Variants in PHIP observed in about 807,000 individuals in gnomAD.
The protein encoded by PHIP is PHIP subunit of CUL4-Ring ligase complex, also known as PH-interacting protein.
PHIP carries 54 observed loss-of-function variants against 236.8 expected under a neutral mutation model. The observed-to-expected ratio is 0.23, with a 90% CI of 0.18 to 0.29. The LOEUF is 0.29. Ranked by LOEUF, PHIP falls within the 10% of genes least tolerant of loss-of-function variation. PHIP has a pLI of 1.00. For synonymous variants in PHIP, 756 were observed against 718.9 expected (o/e 1.05, Z -0.83); for missense variants, 1,370 against 2,190.8 (o/e 0.63, Z 7.48).
At chr6:79,040,354 T>C (rs1772145693) in intron 7 of PHIP, among the ~76,000 whole-genome samples, 1 of 152,156 alleles carries the variant, frequency 6.6e-6, no homozygotes, top group South Asian at 2.1e-4. Flanking sequence ...CAGCTGTGCC[T>C]GTTCAGAAAG....
intron 7 of PHIP, among the ~76,000 whole-genome samples, chr6:79,028,034 A>T (rs1472538063): frequency 6.6e-6 from 1 of 152,126 alleles, no homozygotes; most frequent in Non-Finnish European, 1.5e-5. Flanking sequence ...TTTTAATAAT[A>T]TCATTATTAT....
intron 9 of PHIP, among the ~76,000 whole-genome samples, chr6:79,020,896 A>C (rs1318982267): frequency 6.6e-6 from 1 of 152,078 alleles, no homozygotes; most frequent in African/African-American, 2.4e-5. Flanking sequence ...CAAATGACAA[A>C]AGCAATGAAA....
intron 24 of PHIP, 90 bp from the exon 25 acceptor site, chr6:78,970,978 T>C: frequency 1.3e-6 from 1 of 798,930 alleles, no homozygotes; most frequent in Non-Finnish European, 2.0e-6. Context: ...AGAGAAAATC[T>C]AATGCCTTTT....
chr6:78,979,855 CATG>C (rs1355358458), intron 23 of PHIP, among the ~76,000 whole-genome samples: 4 of 151,946 alleles, frequency 2.6e-5, no homozygotes, highest in African/African-American at 9.7e-5. Flanking sequence ...AATGCCATAA[CATG>C]ATATCAGAGA....
chr6:78,982,832 T>C, intron 23 of PHIP, 54 bp downstream of exon 23: 1 of 1,022,496 alleles, frequency 9.8e-7, no homozygotes, highest in Non-Finnish European at 1.4e-6. Flanking sequence ...TCAAGATGTG[T>C]GCTTTAAACT....
intron 4 of PHIP, among the ~76,000 whole-genome samples, chr6:79,061,458 A>G (rs1287861192): frequency 6.6e-6 from 1 of 152,144 alleles, no homozygotes; most frequent in Non-Finnish European, 1.5e-5. Flanking sequence ...AGGACACATA[A>G]CATGTGATGT....
At position 79,036,797 on chromosome 6, in the gene PHIP, T is replaced by C. The variant is rs567524640; in HGVS notation, c.600+6046A>G. ...TTAGCCAGGCGTGGTGGTGGGTGCC[T>C]GTAATGCCAGCTACTCGGGAGGCTG... On this transcript the variant is annotated intron_variant, in intron 7 of 39. Transcript: ENST00000275034. 2.3e-3 allele frequency among the ~76,000 whole-genome samples: 347 copies of C among 151,698 alleles called. 1 individual carries two copies. The highest frequency in any genetic ancestry group is 6.8e-3 in the African/African-American group (282 of 41,348).
intron 6 of PHIP, among the ~76,000 whole-genome samples, chr6:79,056,351 A>G (rs1182362861): frequency 6.6e-6 from 1 of 152,222 alleles, no homozygotes; most frequent in East Asian, 1.9e-4. Context: ...AAGAACTGCC[A>G]AAGAGTTGTA....
At chr6:78,986,222 T>C (rs1357958743) in intron 21 of PHIP, among the ~76,000 whole-genome samples, 1 of 152,180 alleles carries the variant, frequency 6.6e-6, no homozygotes, top group Admixed American at 6.5e-5. Flanking sequence ...ATCTAAATGG[T>C]AAAGGATTAA....
intron 39 of PHIP, among the ~76,000 whole-genome samples, chr6:78,944,612 G>A (rs1030767779): frequency 6.6e-6 from 1 of 152,150 alleles, no homozygotes; most frequent in South Asian, 2.1e-4. Context: ...ATGACTCCCT[G>A]ATTTTAAGTT....
chr6:79,019,206 T>A, intron 9 of PHIP, 47 bp from the exon 10 acceptor site: 1 of 1,310,338 alleles, frequency 7.6e-7, no homozygotes, highest in Non-Finnish European at 1.1e-6. Flanking sequence ...AAGGAACCAG[T>A]AGCAGCAGAA....
intron 4 of PHIP, among the ~76,000 whole-genome samples, chr6:79,061,188 G>A (rs1345980397): frequency 2.0e-5 from 3 of 152,078 alleles, no homozygotes; most frequent in African/African-American, 7.2e-5. Flanking sequence ...ACCATGACAT[G>A]AAATGCTAAT....
Position 78,954,907 on chromosome 6 carries a change from T to C in PHIP, c.3960A>G (p.Ala1320=). 2 of 1,587,040 alleles carry C rather than the reference T, an allele frequency of 1.3e-6. No individual in the cohort carries two copies. The highest frequency in any genetic ancestry group is 1.7e-6 in the Non-Finnish European group (2 of 1,168,028). Residue 1320 remains alanine (A), a synonymous_variant, in exon 35 of 40, where the codon GCA becomes GCG. Transcript: ENST00000275034. ...RNRAQSYDIQ[A]WKKQCEELLN... ...ACAATTCTTCACACTGTTTCTTCCA[T>C]GCTTGAATATCGTAAGACTGGGCTC...
intron 34 of PHIP, 79 bp from the exon 35 acceptor site, chr6:78,955,042 A>G (rs1766324101): frequency 2.0e-6 from 2 of 1,015,950 alleles, no homozygotes; most frequent in Non-Finnish European, 2.8e-6. Flanking sequence ...AGTCTTAGAT[A>G]ATTGGGTAAT....
At chr6:78,984,294 A>G (rs1018428404) in intron 22 of PHIP, among the ~76,000 whole-genome samples, 3 of 152,194 alleles carry the variant, frequency 2.0e-5, no homozygotes, top group East Asian at 3.8e-4. Flanking sequence ...AAGAACTTAC[A>G]CTATTTTCAG....
chr6:79,014,429 C>G (rs528758787), intron 15 of PHIP, among the ~76,000 whole-genome samples: 1 of 151,722 alleles, frequency 6.6e-6, no homozygotes, highest in East Asian at 1.9e-4. Flanking sequence ...CTCTAATATA[C>G]AGAAAGTAGA....
Position 78,938,711 on chromosome 6 carries a change from AAAAAACCT to A in PHIP, c.*1974_*1981del, listed in dbSNP as rs1773362204. On this transcript the variant is annotated 3_prime_UTR_variant, in exon 40 of 40. Transcript: ENST00000275034. ...ATTTGTTAGAAAAAAATAAATATAC[AAAAAACCT>A]GAAAAATTTGAAATTATTTTTCAAC... is the stretch of plus-strand genomic sequence containing the variant. The A allele has an allele frequency of 2.0e-5, 3 of 151,708 alleles. No homozygotes were observed. The highest frequency in any genetic ancestry group is 6.6e-5 in the Admixed American group (1 of 15,234). 9.4% of individuals were successfully genotyped at this position (151,708 alleles called of 1,614,324 possible).
intron 2 of PHIP, 48 bp from the exon 3 acceptor site, chr6:79,077,777 G>A: frequency 1.0e-6 from 1 of 975,690 alleles, no homozygotes; most frequent in Non-Finnish European, 1.2e-6. Flanking sequence ...CCGGGCCGCG[G>A]CCCCGCCGCC....
At chr6:79,059,487 A>G (rs1217452955) in intron 6 of PHIP, among the ~76,000 whole-genome samples, 2 of 151,300 alleles carry the variant, frequency 1.3e-5, no homozygotes, top group African/African-American at 4.8e-5. Flanking sequence ...GTAAATGACT[A>G]AATGTTCCAG....
Sources: gnomAD v4.1 joint callset for allele counts (sites outside exome capture counted in the v4.1 genomes callset) on GRCh38, gnomAD v4.1.1 for gene constraint, MANE v1.5 for transcripts, NCBI Gene and HGNC (gene_info 2026-07-23, HGNC 2026-07-21) for gene names.